Variants in GLRB observed in about 807,000 individuals in gnomAD.
GLRB encodes glycine receptor subunit beta.
In GLRB, 33 loss-of-function variants were observed where a neutral mutation model predicts 54.2. The observed-to-expected ratio is 0.61, with a 90% confidence interval of 0.46 to 0.81. The LOEUF (loss-of-function observed/expected upper bound fraction) is 0.81, where lower values mean the gene tolerates loss of function less well. Among genes scored for constraint, GLRB ranks in the 40% least tolerant of loss-of-function variants. The probability of loss-of-function intolerance (pLI) is 0.00; values close to 1 mark genes in which losing one functional copy is unlikely to be tolerated. For synonymous variants in GLRB, 209 were observed against 208.2 expected, an observed-to-expected ratio of 1.00 and a Z score of -0.03; for missense variants, 572 against 584.6, an observed-to-expected ratio of 0.98 and a Z score of 0.22.
chr4:157,133,071 A>C (rs56936198), intron 4 of GLRB, among the ~76,000 whole-genome samples: 2,819 of 152,048 alleles, frequency 0.019, 47 homozygotes, highest in African/African-American at 0.041. Context: ...AATGTTTAGC[A>C]GCCAACTAAA....
Position 157,097,039 on chromosome 4 carries a change from C to T in GLRB, c.122+18893C>T, listed in dbSNP as rs367969608. Reference sequence around the variant, plus strand: ...TTTGTAGTAGCAATAAACTGCCCTCCTTTCATTGACTTGGTGCCATAAATT... The same window carrying T: ...TTTGTAGTAGCAATAAACTGCCCTCTTTTCATTGACTTGGTGCCATAAATT... On this transcript the variant is annotated intron_variant, in intron 2 of 9. Coordinates refer to ENST00000264428, the MANE Select transcript of GLRB (RefSeq NM_000824.5). Among the ~76,000 whole-genome samples the T allele has an allele frequency of 1.1e-4, 17 of 152,208 alleles. 1 individual carries two copies. The highest frequency in any genetic ancestry group is 7.7e-4 in the East Asian group (4 of 5,176).
At chr4:157,080,241 G>A (rs1394563199) in intron 2 of GLRB, among the ~76,000 whole-genome samples, 2 of 152,144 alleles carry the variant, frequency 1.3e-5, no homozygotes, top group African/African-American at 4.8e-5. Flanking sequence ...TCAAGTGGAA[G>A]ACCCAACATA....
intron 4 of GLRB, among the ~76,000 whole-genome samples, chr4:157,124,386 GTAAT>G (rs1480356874): frequency 6.6e-6 from 1 of 151,498 alleles, no homozygotes; most frequent in African/African-American, 2.4e-5. Flanking sequence ...CTTCTATACT[GTAAT>G]TAAATTATTT....
intron 2 of GLRB, among the ~76,000 whole-genome samples, chr4:157,083,660 T>C (rs1000396251): frequency 2.0e-5 from 3 of 152,200 alleles, no homozygotes; most frequent in Admixed American, 6.5e-5. Flanking sequence ...CAGAGAATTA[T>C]GTTTTAAAAA....
chr4:157,143,956 CT>C lies in GLRB; in HGVS notation c.902del (p.Leu301ArgfsTer26). On this transcript the variant is annotated frameshift_variant and splice_region_variant, in exon 8 of 10. Transcript: ENST00000264428. LOFTEE classifies it high-confidence loss of function. ...NPDASAARVP[L>X]GIFSVLSLAS... ...GGACGCGAGTGCTGCCAGAGTGCCC[CT>C]GGGTAAGGTGTTCCATGCTTTTTTG... The C allele has an allele frequency of 6.2e-7, 1 of 1,613,792 alleles. No homozygotes were observed. Among genetic ancestry groups the C allele is most frequent in the Non-Finnish European group, 8.5e-7 (1 of 1,179,842 alleles).
intron 2 of GLRB, among the ~76,000 whole-genome samples, chr4:157,117,671 G>A (rs1175012091): frequency 1.3e-5 from 2 of 151,598 alleles, no homozygotes; most frequent in Admixed American, 6.6e-5. Context: ...TGGAAATAAC[G>A]AGTGGAACTG....
chr4:157,143,721 G>T lies in GLRB; in HGVS notation c.752-86G>T. 2.2e-6 allele frequency: 3 copies of T among 1,343,830 alleles called. No individual in the cohort carries two copies. In the South Asian group the frequency reaches 3.7e-5, roughly 17 times the overall value. The allele number at this position is 1,343,830 out of a possible 1,614,324, so 83.2% of individuals were successfully genotyped here. On this transcript the variant is annotated intron_variant, in intron 7 of 9. Coordinates refer to ENST00000264428, the MANE Select transcript of GLRB (RefSeq NM_000824.5). ...CTGTGAAATTGCCTCAGATGGAAGTGACTTACCGTTTCCAGGTCTGTCATT... is the reference window on the plus strand; with the variant it reads ...CTGTGAAATTGCCTCAGATGGAAGTTACTTACCGTTTCCAGGTCTGTCATT...
rs181403979 is a variant in GLRB, at chr4:157,145,073, T to C, written c.904+1114T>C. 4.3e-3 allele frequency among the ~76,000 whole-genome samples: 657 copies of C among 152,306 alleles called. 8 individuals are homozygous for C. Among genetic ancestry groups the C allele is most frequent in the African/African-American group, 0.015 (627 of 41,570 alleles). On this transcript the variant is annotated intron_variant, in intron 8 of 9. Coordinates refer to ENST00000264428, the MANE Select transcript of GLRB (RefSeq NM_000824.5). ...GTCAAAAATATATATTTCTCTCAAATAATTTTTGTTGTTGTTATTCATTAG... is the reference window on the plus strand; with the variant it reads ...GTCAAAAATATATATTTCTCTCAAACAATTTTTGTTGTTGTTATTCATTAG...
intron 9 of GLRB, among the ~76,000 whole-genome samples, chr4:157,160,551 C>G (rs1737440242): frequency 6.6e-6 from 1 of 151,964 alleles, no homozygotes; most frequent in African/African-American, 2.4e-5. Flanking sequence ...TCGTTGGTTT[C>G]AAAGAACATC....
intron 4 of GLRB, among the ~76,000 whole-genome samples, chr4:157,130,789 T>C (rs1736186343): frequency 6.6e-6 from 1 of 151,584 alleles, no homozygotes; most frequent in African/African-American, 2.4e-5. Context: ...CTGAATCATA[T>C]AGAAATTCTG....
chr4:157,107,628 G>A (rs1476845883), intron 2 of GLRB, among the ~76,000 whole-genome samples: 1 of 152,098 alleles, frequency 6.6e-6, no homozygotes, highest in Non-Finnish European at 1.5e-5. Context: ...AAATTTGGAA[G>A]CTAGCAGAGG....
At chr4:157,166,103 T>A (rs2126631012) in intron 9 of GLRB, among the ~76,000 whole-genome samples, 1 of 151,098 alleles carries the variant, frequency 6.6e-6, no homozygotes. Flanking sequence ...AGGCTAAAGT[T>A]GGAGGCATTA....
At chr4:157,156,294 G>C (rs1318096984) in intron 9 of GLRB, among the ~76,000 whole-genome samples, 6 of 152,156 alleles carry the variant, frequency 3.9e-5, no homozygotes, top group Admixed American at 3.9e-4. Context: ...CTTTGTAAGA[G>C]AAATTGAGTT....
chr4:157,156,513 A>C (rs1737232469), intron 9 of GLRB, among the ~76,000 whole-genome samples: 2 of 152,056 alleles, frequency 1.3e-5, no homozygotes, highest in Admixed American at 1.3e-4. Context: ...CCTCTTTTCT[A>C]ATTCAGACGC....
At chr4:157,158,790 G>T (rs181439734) in intron 9 of GLRB, among the ~76,000 whole-genome samples, 6,823 of 152,136 alleles carry the variant, frequency 0.045, 168 homozygotes, top group Middle Eastern at 0.11. Flanking sequence ...TGTTCTTTTT[G>T]CTTAGGATTG....
chr4:157,169,454 T>C (rs949083421), intron 9 of GLRB, among the ~76,000 whole-genome samples: 1 of 152,178 alleles, frequency 6.6e-6, no homozygotes, highest in Admixed American at 6.5e-5. Context: ...TGTCCTTTTG[T>C]ATCTGTGGGG....
intron 2 of GLRB, among the ~76,000 whole-genome samples, chr4:157,120,028 A>G (rs895871695): frequency 4.0e-5 from 6 of 151,794 alleles, no homozygotes; most frequent in African/African-American, 1.2e-4. Context: ...TGTGGCACAT[A>G]TACACCATGG....
At chr4:157,148,759 C>CTAGCA (rs1736908857) in intron 8 of GLRB, among the ~76,000 whole-genome samples, 1 of 152,018 alleles carries the variant, frequency 6.6e-6, no homozygotes, top group Non-Finnish European at 1.5e-5. Context: ...ACAGCCCATT[C>CTAGCA]TAGCATATGC....
At chr4:157,155,630 G>A (rs1156358200) in intron 9 of GLRB, among the ~76,000 whole-genome samples, 1 of 152,108 alleles carries the variant, frequency 6.6e-6, no homozygotes, top group African/African-American at 2.4e-5. Flanking sequence ...TGGCCTCCAT[G>A]GCTTCTGATG....
Sources: allele counts gnomAD v4.1 joint callset (sites outside exome capture counted in the v4.1 genomes callset), GRCh38; gene constraint gnomAD v4.1.1; transcripts MANE v1.5; gene names NCBI Gene and HGNC (gene_info 2026-07-23, HGNC 2026-07-21).